TMPRSS11D: variants seen among roughly 807,000 people sequenced by gnomAD.
The protein encoded by TMPRSS11D is transmembrane protease serine 11D.
A neutral mutation model predicts 44.4 loss-of-function variants in TMPRSS11D; 32 were observed. The observed-to-expected ratio is 0.72, with a 90% CI of 0.54 to 0.97. The LOEUF (loss-of-function observed/expected upper bound fraction) is 0.97. TMPRSS11D is among the 50% of genes least tolerant of loss of function. The pLI, the probability that TMPRSS11D is intolerant of heterozygous loss-of-function variation, is 0.00. For synonymous variants in TMPRSS11D, 179 were observed against 177.9 expected (o/e 1.01, Z -0.05); for missense variants, 446 against 502.6 (o/e 0.89, Z 1.08).
At chr4:67,826,376 G>A (rs938073693) in intron 8 of TMPRSS11D, among the ~76,000 whole-genome samples, 1 of 152,198 alleles carries the variant, frequency 6.6e-6, no homozygotes, top group Admixed American at 6.5e-5. Flanking sequence ...AATAGAATGT[G>A]TTCTAGGACT....
chr4:67,842,623 A>T lies in TMPRSS11D; in HGVS notation c.252T>A (p.Ile84=), dbSNP rs1177056727. Residue 84 remains isoleucine, a splice_region_variant and synonymous_variant, in exon 4 of 10, where the codon ATT becomes ATA. Transcript: ENST00000283916. Reference sequence around the variant, plus strand: ...AATTTGATTCTTTGAATGTTTTAGTAATCTGTAGAAAGAAAGAGAGGGGGA... The same window carrying T: ...AATTTGATTCTTTGAATGTTTTAGTTATCTGTAGAAAGAAAGAGAGGGGGA... ...RTLSGRIESL[I]TKTFKESNLR... is the part of the protein sequence containing the mutation. 1 of 1,606,594 alleles carries T rather than the reference A, an allele frequency of 6.2e-7. No homozygotes were observed. Among genetic ancestry groups the T allele is most frequent in the South Asian group, 1.1e-5 (1 of 89,030 alleles).
At position 67,859,660 on chromosome 4, in the gene TMPRSS11D, C is replaced by A; in HGVS notation, c.27G>T (p.Ser9=). ...CATATGGATTCAGAAATCTTGAAGT[C>A]GAAGTTACACGTGCTGGCCTTACAA... is the stretch of plus-strand genomic sequence containing the variant. MYRPARVT[S]TSRFLNPYVV... The change falls in exon 2 of 10, where the codon TCG becomes TCT. Residue 9 remains serine (S), a synonymous_variant. Transcript: ENST00000283916. The A allele has an allele frequency of 1.2e-6, 2 of 1,612,764 alleles. No homozygotes were observed. The highest frequency in any genetic ancestry group is 2.2e-5 in the South Asian group (2 of 90,962).
intron 5 of TMPRSS11D, among the ~76,000 whole-genome samples, chr4:67,837,273 G>A (rs1718114706): frequency 6.6e-6 from 1 of 152,108 alleles, no homozygotes; most frequent in African/African-American, 2.4e-5. Context: ...GTGAGCATTG[G>A]CCAGTCATAA....
chr4:67,823,922 T>G (rs1717716592), intron 9 of TMPRSS11D, among the ~76,000 whole-genome samples: 1 of 152,180 alleles, frequency 6.6e-6, no homozygotes, highest in Admixed American at 6.6e-5. Flanking sequence ...TTTCCATATC[T>G]AGCCAGCTTC....
intron 7 of TMPRSS11D, among the ~76,000 whole-genome samples, chr4:67,828,082 G>A (rs951060649): frequency 4.6e-5 from 7 of 151,584 alleles, no homozygotes; most frequent in Non-Finnish European, 8.8e-5. Context: ...ATGTATGTAT[G>A]GGGTCTTCAA....
At chr4:67,836,781 C>T (rs1718100726) in intron 5 of TMPRSS11D, among the ~76,000 whole-genome samples, 1 of 152,128 alleles carries the variant, frequency 6.6e-6, no homozygotes. Flanking sequence ...GAATGATGAA[C>T]ACTGATCAAT....
At chr4:67,854,929 T>C (rs1012846590) in intron 2 of TMPRSS11D, among the ~76,000 whole-genome samples, 5 of 152,184 alleles carry the variant, frequency 3.3e-5, no homozygotes, top group Admixed American at 3.3e-4. Context: ...GCCAGTATTA[T>C]TCTGAGAGAA....
chr4:67,827,460 T>C lies in TMPRSS11D; in HGVS notation c.753A>G (p.Leu251=), dbSNP rs200855933. ...TSGISTTFPK[L]RMRVRNILIH... ...TTAAAATATTTCTTACTCTCATTCT[T>C]AGTTTAGGAAATGTTGTGGAAATAC... The change falls in exon 8 of 10, where the codon CTA becomes CTG. Residue 251 remains leucine, a synonymous_variant. Transcript: ENST00000283916. 15 of 1,612,390 alleles carry C rather than the reference T, an allele frequency of 9.3e-6. No individual in the cohort carries two copies. Among genetic ancestry groups the C allele is most frequent in the Non-Finnish European group, 1.2e-5 (14 of 1,179,220 alleles).
At chr4:67,842,702 G>C in intron 3 of TMPRSS11D, 77 bp from the exon 4 acceptor site, 2 of 1,316,512 alleles carry the variant, frequency 1.5e-6, no homozygotes, top group Non-Finnish European at 2.2e-6. Context: ...TGCAACATGA[G>C]ACATGTTAAT....
chr4:67,859,375 A>C (rs1308708006), intron 2 of TMPRSS11D, among the ~76,000 whole-genome samples, 182 bp downstream of exon 2: 1 of 152,138 alleles, frequency 6.6e-6, no homozygotes, highest in Non-Finnish European at 1.5e-5. Context: ...AGGAAAGAGA[A>C]AAAATACTGA....
chr4:67,856,965 C>T (rs1279520393), intron 2 of TMPRSS11D, among the ~76,000 whole-genome samples: 2 of 151,864 alleles, frequency 1.3e-5, no homozygotes, highest in East Asian at 1.9e-4. Context: ...ATTTCTATTA[C>T]CAAAAAGACA....
At position 67,859,777 on chromosome 4, in the gene TMPRSS11D, C is replaced by T; in HGVS notation, c.9-99G>A. 3 of 1,490,596 alleles carry T rather than the reference C, an allele frequency of 2.0e-6. No individual in the cohort carries two copies. The South Asian group carries it at 3.8e-5, about 19-fold the overall frequency. 92.3% of individuals were successfully genotyped at this position (1,490,596 alleles called of 1,614,324 possible). On this transcript the variant is annotated intron_variant, in intron 1 of 9. Coordinates refer to ENST00000283916, the MANE Select transcript of TMPRSS11D (RefSeq NM_004262.3). ...TCTTCTGTCTTTCCCGGTCTCTTAT[C>T]TGGGACATGGCTCTAGCCATAGAAA... is the stretch of plus-strand genomic sequence containing the variant.
chr4:67,856,322 A>G (rs1236926973), intron 2 of TMPRSS11D, among the ~76,000 whole-genome samples: 1 of 152,210 alleles, frequency 6.6e-6, no homozygotes, highest in East Asian at 1.9e-4. Context: ...GAGCCCAGAA[A>G]GAAATTCACC....
chr4:67,828,034 T>C (rs2109658880), intron 7 of TMPRSS11D, among the ~76,000 whole-genome samples: 1 of 145,550 alleles, frequency 6.9e-6, no homozygotes, highest in East Asian at 2.0e-4. Context: ...TTGAAGATTT[T>C]GGTGTGTGTG....
intron 8 of TMPRSS11D, among the ~76,000 whole-genome samples, chr4:67,826,769 A>AAG (rs1028713875): frequency 3.3e-5 from 5 of 151,550 alleles, no homozygotes; most frequent in African/African-American, 1.2e-4. Flanking sequence ...AGAAAAAAAA[A>AAG]AAAAAAGCTG....
rs746547067 is a variant in TMPRSS11D at position 67,827,254 on chromosome 4, CACTT to C, written c.952+3_952+6del. The C allele has an allele frequency of 6.4e-6, 10 of 1,573,326 alleles. No individual in the cohort carries two copies. In the South Asian group the frequency reaches 8.3e-5, roughly 13 times the overall value. ...CTATTGTTAATTTTTTTTTCCGAGA[CACTT>C]ACCAGCATATTCTTGAGCGCCCCAT... is the stretch of plus-strand genomic sequence containing the variant. On this transcript the variant is annotated splice_donor_5th_base_variant and intron_variant, in intron 8 of 9. Transcript: ENST00000283916.
At chr4:67,861,339 A>G (rs1718786987) in intron 1 of TMPRSS11D, among the ~76,000 whole-genome samples, 1 of 152,100 alleles carries the variant, frequency 6.6e-6, no homozygotes, top group South Asian at 2.1e-4. Context: ...TCATGGGGTT[A>G]TTGTGCCTGT....
intron 2 of TMPRSS11D, among the ~76,000 whole-genome samples, chr4:67,856,257 A>G (rs1595931): frequency 0.058 from 8,840 of 152,234 alleles, 835 homozygotes; most frequent in African/African-American, 0.2. Flanking sequence ...ATAGTAGCCA[A>G]AACAGAATGG....
intron 1 of TMPRSS11D, among the ~76,000 whole-genome samples, chr4:67,860,891 A>G (rs1339083754): frequency 6.6e-6 from 1 of 152,134 alleles, no homozygotes; most frequent in Non-Finnish European, 1.5e-5. Context: ...TCAACTCACA[A>G]GCCTATAATA....
Sources: gnomAD v4.1 joint callset for allele counts (sites outside exome capture counted in the v4.1 genomes callset) on GRCh38, gnomAD v4.1.1 for gene constraint, MANE v1.5 for transcripts, NCBI Gene and HGNC (gene_info 2026-07-23, HGNC 2026-07-21) for gene names.